The following PEX5L variants were observed in gnomAD, a reference collection of about 807,000 sequenced individuals.
The protein encoded by PEX5L is PEX5-related protein.
Under a neutral mutation model 84.0 loss-of-function variants are expected in PEX5L, and 30 were observed. The ratio of observed to expected loss-of-function variants is 0.36; its 90% CI spans 0.27 to 0.48. The LOEUF (loss-of-function observed/expected upper bound fraction) is 0.48. PEX5L is among the 20% of genes least tolerant of loss of function. PEX5L has a pLI of 0.99. For synonymous variants in PEX5L, 270 were observed against 283.1 expected, an observed-to-expected ratio of 0.95 and a Z score of 0.46; for missense variants, 533 against 754.6, an observed-to-expected ratio of 0.71 and a Z score of 3.44.
intron 8 of PEX5L, among the ~76,000 whole-genome samples, chr3:179,828,425 T>A (rs1162141477): frequency 1.3e-5 from 2 of 152,134 alleles, no homozygotes; most frequent in East Asian, 3.9e-4. Flanking sequence ...AAGACCCACA[T>A]TTCTAGAAGC....
At chr3:179,914,023 G>C (rs983933021) in intron 2 of PEX5L, among the ~76,000 whole-genome samples, 1 of 152,122 alleles carries the variant, frequency 6.6e-6, no homozygotes, top group African/African-American at 2.4e-5. Context: ...ATTTGTGACT[G>C]CACAGGCAAG....
intron 5 of PEX5L, 122 bp from the exon 6 acceptor site, chr3:179,875,599 G>C: frequency 1.5e-6 from 1 of 662,980 alleles, no homozygotes; most frequent in South Asian, 2.2e-5. Context: ...AATTAAGATT[G>C]AAAAATCTTA....
intron 4 of PEX5L, among the ~76,000 whole-genome samples, chr3:179,882,245 C>T (rs574139071): frequency 2.4e-4 from 36 of 152,160 alleles, no homozygotes; most frequent in Non-Finnish European, 3.8e-4. Flanking sequence ...ATAGGAAGTA[C>T]ATTTGTTATG....
intron 3 of PEX5L, among the ~76,000 whole-genome samples, chr3:179,891,828 T>G (rs1757718777): frequency 6.6e-6 from 1 of 152,170 alleles, no homozygotes; most frequent in South Asian, 2.1e-4. Flanking sequence ...ATATTTCCTT[T>G]GGTGACTTGA....
intron 8 of PEX5L, among the ~76,000 whole-genome samples, chr3:179,846,922 A>C (rs4855118): frequency 0.3 from 45,034 of 151,908 alleles, 7,206 homozygotes; most frequent in Non-Finnish European, 0.36. Context: ...ATGCAAATGG[A>C]AGATCTAGAG....
chr3:179,834,505 C>T (rs533388724), intron 8 of PEX5L, among the ~76,000 whole-genome samples: 2 of 152,334 alleles, frequency 1.3e-5, no homozygotes, highest in South Asian at 4.1e-4. Flanking sequence ...TCCTTTGCTG[C>T]CTCTCACTGC....
intron 14 of PEX5L, 99 bp downstream of exon 14, chr3:179,807,575 C>T (rs1177600708): frequency 3.5e-6 from 4 of 1,147,294 alleles, no homozygotes; most frequent in South Asian, 2.9e-5. Flanking sequence ...GAGGAATACT[C>T]CTACCAAGGC....
chr3:179,911,698 T>C (rs1456268376), intron 2 of PEX5L, among the ~76,000 whole-genome samples: 1 of 152,178 alleles, frequency 6.6e-6, no homozygotes, highest in Admixed American at 6.5e-5. Context: ...CTCCTAACAA[T>C]AGAAATCCAA....
At chr3:179,943,583 G>C (rs1439991199) in intron 2 of PEX5L, among the ~76,000 whole-genome samples, 1 of 152,234 alleles carries the variant, frequency 6.6e-6, no homozygotes, top group Non-Finnish European at 1.5e-5. Context: ...CTCACTGGAA[G>C]CTAACTTTCT....
chr3:180,032,384 C>T (rs936921610), intron 1 of PEX5L, among the ~76,000 whole-genome samples: 7 of 152,146 alleles, frequency 4.6e-5, no homozygotes, highest in African/African-American at 9.7e-5. Context: ...ACAACAAACC[C>T]CAGCACTGCT....
intron 2 of PEX5L, among the ~76,000 whole-genome samples, chr3:179,913,865 G>A (rs1163378736): frequency 1.3e-5 from 2 of 152,012 alleles, no homozygotes; most frequent in African/African-American, 4.8e-5. Context: ...TTTCAGCTTA[G>A]AGTCTGTGAA....
At chr3:180,012,076 G>T (rs924814202) in intron 1 of PEX5L, among the ~76,000 whole-genome samples, 1 of 152,274 alleles carries the variant, frequency 6.6e-6, no homozygotes, top group Middle Eastern at 3.4e-3. Context: ...GAAGGGAAAC[G>T]TGTGGCCTAA....
chr3:179,857,333 G>A (rs1262198779), intron 8 of PEX5L, among the ~76,000 whole-genome samples: 1 of 152,194 alleles, frequency 6.6e-6, no homozygotes, highest in Non-Finnish European at 1.5e-5. Flanking sequence ...AAAACTGCAA[G>A]TTGCTGGTAG....
rs934435742 is a variant in PEX5L, at chr3:179,801,919, G to A, written c.1790C>T (p.Ala597Val). The change falls in exon 15 of 15, where the codon GCG becomes GTG. Residue 597 changes from alanine (A) to valine (V), a missense_variant. This residue lies in a region of PEX5L where 105 missense variants were observed against 204.6 expected (regional missense o/e 0.51). Transcript: ENST00000467460. ...TTCTGGTTGGTCCATCAGAGAGAGC[G>A]CAATTCTGAGGGCAGCCCAGATATT... is the stretch of plus-strand genomic sequence containing the variant. ...SGNIWAALRI[A>V]LSLMDQPELF... The A allele has an allele frequency of 8.1e-6, 13 of 1,613,524 alleles. No homozygotes were observed. The highest frequency in any genetic ancestry group is 2.7e-5 in the African/African-American group (2 of 75,010).
intron 2 of PEX5L, among the ~76,000 whole-genome samples, chr3:179,958,797 A>G (rs1781267814): frequency 6.6e-6 from 1 of 152,204 alleles, no homozygotes; most frequent in Non-Finnish European, 1.5e-5. Context: ...TAAAAAATTA[A>G]TGTCTTTATC....
At chr3:180,024,044 GA>G (rs1450401335) in intron 1 of PEX5L, among the ~76,000 whole-genome samples, 1 of 151,848 alleles carries the variant, frequency 6.6e-6, no homozygotes, top group Non-Finnish European at 1.5e-5. Context: ...TGTTCCCCAG[GA>G]AAAAACACAG....
Position 179,879,979 on chromosome 3 carries a change from T to C in PEX5L, c.455A>G (p.Glu152Gly). The C allele has an allele frequency of 6.2e-7, 1 of 1,612,496 alleles. No homozygotes were observed. Among genetic ancestry groups the C allele is most frequent in the Non-Finnish European group, 8.5e-7 (1 of 1,179,466 alleles). Reference sequence around the variant, plus strand: ...GACTCTGAGAGGCTGGCCTCTCTGCTCAGCATCCGTGCTGATGAGGTCAGA... The same window carrying C: ...GACTCTGAGAGGCTGGCCTCTCTGCCCAGCATCCGTGCTGATGAGGTCAGA... ...DGSDLISTDAEQRGQPLRVPE... is the reference protein window; with the variant it reads ...DGSDLISTDAGQRGQPLRVPE... Residue 152 changes from glutamate to glycine, a missense_variant, in exon 5 of 15, where the codon GAG (glutamate) becomes GGG (glycine). By Grantham distance (98) the Glu-to-Gly change is moderately conservative. This residue lies in a region of PEX5L where 259 missense variants were observed against 301.7 expected (regional missense o/e 0.86). Coordinates refer to ENST00000467460, the MANE Select transcript of PEX5L (RefSeq NM_016559.3).
At chr3:179,919,764 G>A (rs767491214) in intron 2 of PEX5L, among the ~76,000 whole-genome samples, 4 of 152,114 alleles carry the variant, frequency 2.6e-5, no homozygotes, top group African/African-American at 7.2e-5. Context: ...GTGCAGTGGC[G>A]CGATCTCAGC....
chr3:179,958,551 G>A (rs778339102), intron 2 of PEX5L, among the ~76,000 whole-genome samples: 2 of 152,162 alleles, frequency 1.3e-5, no homozygotes, highest in Non-Finnish European at 2.9e-5. Flanking sequence ...TTTAATAAAC[G>A]TGGTGTAAGA....
Sources: gnomAD v4.1 joint callset for allele counts (sites outside exome capture counted in the v4.1 genomes callset) on GRCh38, gnomAD v4.1.1 for gene constraint, gnomAD v4.1.1 regional missense constraint, MANE v1.5 for transcripts, NCBI Gene and HGNC (gene_info 2026-07-23, HGNC 2026-07-21) for gene names.